Variants in SREBF2 observed in about 807,000 individuals in gnomAD.
The protein encoded by SREBF2 is sterol regulatory element-binding protein 2.
SREBF2 carries 55 observed loss-of-function variants against 113.1 expected under a neutral mutation model. The observed-to-expected ratio is 0.49, with a 90% CI of 0.39 to 0.61. The LOEUF (loss-of-function observed/expected upper bound fraction) is 0.61, where lower values mean the gene tolerates loss of function less well. Ranked by LOEUF, SREBF2 falls within the 20% of genes least tolerant of loss-of-function variation. The pLI, the probability that SREBF2 is intolerant of heterozygous loss-of-function variation, is 0.00. For synonymous variants in SREBF2, 593 were observed against 605.7 expected (o/e 0.98, Z 0.31); for missense variants, 1,349 against 1,487.4 (o/e 0.91, Z 1.53).
intron 15 of SREBF2, 140 bp downstream of exon 15, chr22:41,898,921 G>A: frequency 7.9e-7 from 1 of 1,260,928 alleles, no homozygotes; most frequent in Non-Finnish European, 1.1e-6. Context: ...GAAAAGTCGG[G>A]GGTGAGGGCA....
At position 41,873,863 on chromosome 22, in the gene SREBF2, G is replaced by C. The variant is rs536275660; in HGVS notation, c.933G>C (p.Val311=). 1 of 1,613,688 alleles carries C rather than the reference G, an allele frequency of 6.2e-7. No homozygotes were observed. Among genetic ancestry groups the C allele is most frequent in the South Asian group, 1.1e-5 (1 of 90,966 alleles). The change falls in exon 5 of 19, where the codon GTG becomes GTC. Residue 311 remains valine, a synonymous_variant. Transcript: ENST00000361204. ...CTGTAATGATGGGGCAAGAGAAAGT[G>C]CCCATTAAGCAGGTACCTGGGGGAG... is the stretch of plus-strand genomic sequence containing the variant. ...TMPVMMGQEK[V]PIKQVPGGVK...
intron 16 of SREBF2, among the ~76,000 whole-genome samples, chr22:41,902,474 C>T (rs2077473032): frequency 6.6e-6 from 1 of 152,182 alleles, no homozygotes; most frequent in African/African-American, 2.4e-5. Context: ...CTAAGGCACT[C>T]TGTGGTTCTG....
rs2077083313 is a variant in SREBF2, at chr22:41,866,935, G to GGCAGCAGTGGCA, written c.201_212dup (p.Gly68_Ser71dup). The GGCAGCAGTGGCA allele has an allele frequency of 6.2e-7, 1 of 1,613,054 alleles. No homozygotes were observed. The highest frequency in any genetic ancestry group is 1.3e-5 in the African/African-American group (1 of 74,332). ...CAGTGGTGGTAGTGGTAGCAGCAGC[G>GGCAGCAGTGGCA]GCAGCAGTGGCAGCAGCAGCAGCAG... On this transcript the variant is annotated inframe_insertion, in exon 2 of 19. Coordinates refer to ENST00000361204, the MANE Select transcript of SREBF2 (RefSeq NM_004599.4).
rs1168074128 is a variant in SREBF2, at chr22:41,895,528, C to T, written c.2495+591C>T. On this transcript the variant is annotated intron_variant, in intron 13 of 18. Transcript: ENST00000361204. ...TCAGCTCACTGCAACCTCTGCCTCC[C>T]GGGTTCAAGTGATTCTTCTGCCTTA... Among the ~76,000 whole-genome samples the T allele has an allele frequency of 3.4e-5, 5 of 147,988 alleles. No homozygotes were observed. The South Asian group carries it at 1.1e-3, about 32-fold the overall frequency.
chr22:41,858,530 G>T (rs1042642161), intron 1 of SREBF2, among the ~76,000 whole-genome samples: 9 of 152,208 alleles, frequency 5.9e-5, no homozygotes, highest in South Asian at 2.1e-4. Flanking sequence ...ATCGCATGAG[G>T]CAGGGAGTTC....
At position 41,893,309 on chromosome 22, in the gene SREBF2, AGAAT is replaced by A. The variant is rs778331350; in HGVS notation, c.2377+25_2377+28del. The A allele has an allele frequency of 2.5e-5, 40 of 1,613,740 alleles. No homozygotes were observed. In the Admixed American group the frequency reaches 6.3e-4, roughly 26 times the overall value. On this transcript the variant is annotated intron_variant, in intron 12 of 18. Transcript: ENST00000361204. Reference sequence around the variant, plus strand: ...AGGTGAGAATACCTTGGAGCCATTCAGAATTGGAGAAAGCCATGCAAACCGCCGG... The same window carrying A: ...AGGTGAGAATACCTTGGAGCCATTCATGGAGAAAGCCATGCAAACCGCCGG...
At chr22:41,850,990 C>T (rs1400186031) in intron 1 of SREBF2, among the ~76,000 whole-genome samples, 1 of 152,180 alleles carries the variant, frequency 6.6e-6, no homozygotes, top group African/African-American at 2.4e-5. Context: ...ATCCGCCCAC[C>T]TCGGCCTCCC....
At chr22:41,884,789 A>T in intron 10 of SREBF2, 53 bp from the exon 11 acceptor site, 2 of 1,605,292 alleles carry the variant, frequency 1.2e-6, no homozygotes, top group Non-Finnish European at 1.7e-6. Flanking sequence ...GAGCAGGAAA[A>T]AGTTTGGTTT....
rs67272666 is a variant in SREBF2 at position 41,889,701 on chromosome 22, T to TA, written c.2209-3401dup. Among the ~76,000 whole-genome samples, 181 of 139,102 alleles carry TA rather than the reference T, an allele frequency of 1.3e-3. 1 individual carries two copies. The highest frequency in any genetic ancestry group is 4.0e-3 in the African/African-American group (143 of 36,090). The allele number at this position is 139,102 out of a possible 152,430, so 91.3% of individuals were successfully genotyped here. On this transcript the variant is annotated intron_variant, in intron 11 of 18. Coordinates refer to ENST00000361204, the MANE Select transcript of SREBF2 (RefSeq NM_004599.4). ...CAACATAGTGAGACCATGTCTCTAT[T>TA]AAAAAAAAAAAAAAAGAGGTTGGGC...
rs1269987040 is a variant in SREBF2 at position 41,898,668 on chromosome 22, G to A, written c.2625G>A (p.Arg875=). The change falls in exon 15 of 19, where the codon CGG becomes CGA. Residue 875 remains arginine (R), a synonymous_variant. Transcript: ENST00000361204. ...KSALGPDIIC[R]WWTSAITVAI... is the part of the protein sequence containing the mutation. ...CTCTAGGTCCAGACATCATCTGTCG[G>A]TGGTGGACGTCTGCAATCACTGTGG... The A allele has an allele frequency of 2.5e-6, 4 of 1,613,958 alleles. No homozygotes were observed. The highest frequency in any genetic ancestry group is 1.7e-5 in the Admixed American group (1 of 59,994).
intron 17 of SREBF2, among the ~76,000 whole-genome samples, chr22:41,904,121 T>C (rs1267093019): frequency 6.6e-6 from 1 of 152,112 alleles, no homozygotes; most frequent in African/African-American, 2.4e-5. Flanking sequence ...CAAGCTGTCC[T>C]CCTGCCTCGG....
rs116441116 is a variant in SREBF2 at position 41,883,886 on chromosome 22, G to A, written c.2039-956G>A. Among the ~76,000 whole-genome samples the A allele has an allele frequency of 4.4e-3, 668 of 152,316 alleles. 3 individuals are homozygous for A. Among genetic ancestry groups the A allele is most frequent in the African/African-American group, 0.015 (633 of 41,574 alleles). On this transcript the variant is annotated intron_variant, in intron 10 of 18. Coordinates refer to ENST00000361204, the MANE Select transcript of SREBF2 (RefSeq NM_004599.4). ...GGAGACTGCTTGCCCTTGTAGTGAG[G>A]ACCAAAGCCAGCAACAGTATGAAAG...
At chr22:41,868,110 T>C (rs2077103431) in intron 2 of SREBF2, among the ~76,000 whole-genome samples, 1 of 152,218 alleles carries the variant, frequency 6.6e-6, no homozygotes, top group South Asian at 2.1e-4. Flanking sequence ...TGCCTTTTCA[T>C]CATATTTCCC....
intron 1 of SREBF2, among the ~76,000 whole-genome samples, chr22:41,846,746 T>C (rs2076879825): frequency 6.6e-6 from 1 of 152,186 alleles, no homozygotes; most frequent in Non-Finnish European, 1.5e-5. Context: ...CTTCCCTCTC[T>C]CTAATTTATA....
At chr22:41,895,629 T>C (rs944803313) in intron 13 of SREBF2, among the ~76,000 whole-genome samples, 10 of 149,002 alleles carry the variant, frequency 6.7e-5, no homozygotes, top group Non-Finnish European at 1.5e-5. Flanking sequence ...AGAGATGAGG[T>C]TTCACCATGT....
chr22:41,900,332 G>C lies in SREBF2; in HGVS notation c.2741G>C (p.Ser914Thr), dbSNP rs771337022. 8 of 1,612,822 alleles carry C rather than the reference G, an allele frequency of 5.0e-6. No individual in the cohort carries two copies. The South Asian group carries it at 8.8e-5, about 18-fold the overall frequency. The change falls in exon 16 of 19, where the codon AGC (serine) becomes ACC (threonine). Residue 914 changes from serine (S) to threonine (T), a missense_variant and splice_region_variant. Transcript: ENST00000361204. ...TCGACTCCCTGTCACTGCTGCAGGA[G>C]CCCCCTGGTGAAGGCCATCTTCCAT... ...RIPKALEVTE[S>T]PLVKAIFHAC... is the part of the protein sequence containing the mutation.
At chr22:41,874,138 T>C (rs751512505) in intron 5 of SREBF2, 119 bp downstream of exon 5, 6 of 972,480 alleles carry the variant, frequency 6.2e-6, no homozygotes, top group Non-Finnish European at 9.6e-6. Context: ...GAGTTAGAGG[T>C]GCTTTTTTAT....
intron 1 of SREBF2, among the ~76,000 whole-genome samples, chr22:41,836,345 C>T (rs2076774514): frequency 6.6e-6 from 1 of 152,212 alleles, no homozygotes; most frequent in Non-Finnish European, 1.5e-5. Flanking sequence ...AACTCTAGTG[C>T]CAGTATGGAA....
At chr22:41,836,981 G>A (rs1391886713) in intron 1 of SREBF2, among the ~76,000 whole-genome samples, 1 of 152,170 alleles carries the variant, frequency 6.6e-6, no homozygotes, top group South Asian at 2.1e-4. Context: ...TTTACTCATT[G>A]AATGGCTTCT....
Sources: allele counts gnomAD v4.1 joint callset (sites outside exome capture counted in the v4.1 genomes callset), GRCh38; gene constraint gnomAD v4.1.1; transcripts MANE v1.5; gene names NCBI Gene and HGNC (gene_info 2026-07-23, HGNC 2026-07-21).